Variants in PLCE1 observed in about 807,000 individuals in gnomAD.
The protein encoded by PLCE1 is phospholipase C epsilon 1.
Under a neutral mutation model 242.8 loss-of-function variants are expected in PLCE1, and 119 were observed. The ratio of observed to expected loss-of-function variants is 0.49; its 90% CI spans 0.42 to 0.57. The LOEUF is 0.57. Ranked by LOEUF, PLCE1 falls within the 20% of genes least tolerant of loss-of-function variation. The pLI is 0.00. For synonymous variants in PLCE1, 945 were observed against 1,017.4 expected, an observed-to-expected ratio of 0.93 and a Z score of 1.35; for missense variants, 2,441 against 2,788.8, an observed-to-expected ratio of 0.88 and a Z score of 2.81.
intron 4 of PLCE1, among the ~76,000 whole-genome samples, chr10:94,210,310 C>T (rs561800708): frequency 1.3e-5 from 2 of 151,946 alleles, no homozygotes; most frequent in Non-Finnish European, 2.9e-5. Context: ...TTAAAACTCA[C>T]CCTTTCTCTA....
chr10:94,324,460 C>T lies in PLCE1; in HGVS notation c.6613C>T (p.Pro2205Ser), dbSNP rs748963046. The change falls in exon 31 of 33, where the codon CCA (proline) becomes TCA (serine). Residue 2205 changes from proline (P) to serine (S), a missense_variant. Transcript: ENST00000371380. ...CACTACCAACAAGAAGACTACCACACCAAAGTCCTCTCAGCGGGTCCTTCT... is the reference window on the plus strand; with the variant it reads ...CACTACCAACAAGAAGACTACCACATCAAAGTCCTCTCAGCGGGTCCTTCT... Reference protein sequence around the residue: ...KDTTNKKTTTPKSSQRVLLDQ... With the variant: ...KDTTNKKTTTSKSSQRVLLDQ... 20 of 1,614,046 alleles carry T rather than the reference C, an allele frequency of 1.2e-5. No individual in the cohort carries two copies. In the South Asian group the frequency reaches 2.2e-4, roughly 18 times the overall value.
At chr10:94,015,059 T>C (rs1256525090) in intron 1 of PLCE1, among the ~76,000 whole-genome samples, 1 of 152,238 alleles carries the variant, frequency 6.6e-6, no homozygotes, top group East Asian at 1.9e-4. Context: ...TGACTTAATC[T>C]GTCAAAACCT....
Position 94,171,378 on chromosome 10 carries a change from G to A in PLCE1, c.1691G>A (p.Gly564Asp). Residue 564 changes from glycine (G) to aspartate (D), a missense_variant, in exon 4 of 33, where the codon GGC (glycine) becomes GAC (aspartate). Physicochemically the swap from Gly to Asp is moderately conservative, Grantham distance 94. Transcript: ENST00000371380. The part of the protein sequence containing the change: ...DYLCFLTRDL[G>D]TPECQSSLPC... ...CTTTGCTTCTTAACACGGGACTTGG[G>A]CACTCCTGAATGCCAGAGCTCCTTG... 1 of 1,614,160 alleles carries A rather than the reference G, an allele frequency of 6.2e-7. No homozygotes were observed. Among genetic ancestry groups the A allele is most frequent in the Non-Finnish European group, 8.5e-7 (1 of 1,180,012 alleles).
chr10:94,006,608 T>A (rs2061042799), intron 1 of PLCE1, among the ~76,000 whole-genome samples: 1 of 152,224 alleles, frequency 6.6e-6, no homozygotes, highest in Non-Finnish European at 1.5e-5. Flanking sequence ...CAACACTACT[T>A]GTTTTTTTTA....
At chr10:94,062,963 T>G (rs2044100198) in intron 2 of PLCE1, among the ~76,000 whole-genome samples, 1 of 152,142 alleles carries the variant, frequency 6.6e-6, no homozygotes, top group African/African-American at 2.4e-5. Flanking sequence ...ATCTCCTCTC[T>G]TTACCCACTG....
chr10:94,106,111 C>A (rs2045724459), intron 2 of PLCE1: 1 of 152,182 alleles, frequency 6.6e-6, no homozygotes, highest in Non-Finnish European at 1.5e-5. Context: ...GCCACTATGG[C>A]ATGGCTAGCT....
At chr10:94,154,508 G>C (rs1257527178) in intron 3 of PLCE1, among the ~76,000 whole-genome samples, 1 of 152,146 alleles carries the variant, frequency 6.6e-6, no homozygotes, top group Non-Finnish European at 1.5e-5. Context: ...ACTATCAACA[G>C]AGTGAAAAGG....
At chr10:94,202,894 C>T (rs2049028420) in intron 4 of PLCE1, among the ~76,000 whole-genome samples, 1 of 152,102 alleles carries the variant, frequency 6.6e-6, no homozygotes, top group Non-Finnish European at 1.5e-5. Flanking sequence ...AGTGTGTCCT[C>T]TCGGGTTTTT....
chr10:94,198,532 G>A (rs58002961), intron 4 of PLCE1, among the ~76,000 whole-genome samples: 21,522 of 152,106 alleles, frequency 0.14, 1,723 homozygotes, highest in South Asian at 0.29. Context: ...TGACCACCAC[G>A]ATCAGGATAG....
At chr10:94,235,319 C>G (rs2050286716) in intron 6 of PLCE1, among the ~76,000 whole-genome samples, 1 of 152,042 alleles carries the variant, frequency 6.6e-6, no homozygotes, top group Non-Finnish European at 1.5e-5. Context: ...GGGCCACACC[C>G]CCTAGCTTCC....
Position 94,172,504 on chromosome 10 carries a change from T to C in PLCE1, c.1809+1008T>C, listed in dbSNP as rs1197413979. On this transcript the variant is annotated intron_variant, in intron 4 of 32. Transcript: ENST00000371380. ...ATTCTGAGTCATATATATCTCTGATTGTCTGAGGATCTGTCATCCTGTGTT... is the reference window on the plus strand; with the variant it reads ...ATTCTGAGTCATATATATCTCTGATCGTCTGAGGATCTGTCATCCTGTGTT... 2.0e-5 allele frequency among the ~76,000 whole-genome samples: 3 copies of C among 152,302 alleles called. No homozygotes were observed. In the East Asian group the frequency reaches 5.8e-4, roughly 29 times the overall value.
intron 2 of PLCE1, among the ~76,000 whole-genome samples, chr10:94,126,155 C>G (rs936733744): frequency 6.6e-6 from 1 of 152,172 alleles, no homozygotes; most frequent in Non-Finnish European, 1.5e-5. Flanking sequence ...TTGCTTTTCT[C>G]TAAGTCATTT....
intron 4 of PLCE1, among the ~76,000 whole-genome samples, chr10:94,172,428 C>T (rs2048013179): frequency 6.6e-6 from 1 of 152,122 alleles, no homozygotes; most frequent in Non-Finnish European, 1.5e-5. Flanking sequence ...AGAGTAGTTG[C>T]CTATTTTGGT....
chr10:94,170,672 A>C (rs2047944226), intron 3 of PLCE1, among the ~76,000 whole-genome samples: 1 of 152,228 alleles, frequency 6.6e-6, no homozygotes. Context: ...TTGGCAGAGA[A>C]TACCATGACA....
chr10:94,015,984 A>C (rs1394386788), intron 1 of PLCE1, among the ~76,000 whole-genome samples: 1 of 152,204 alleles, frequency 6.6e-6, no homozygotes, highest in Non-Finnish European at 1.5e-5. Flanking sequence ...TGAATGAATC[A>C]TACCCGTTGG....
rs1305616570 is a variant in PLCE1, at chr10:94,306,652, G to T, written c.5848G>T (p.Ala1950Ser). 1 of 1,613,942 alleles carries T rather than the reference G, an allele frequency of 6.2e-7. No individual in the cohort carries two copies. The highest frequency in any genetic ancestry group is 8.5e-7 in the Non-Finnish European group (1 of 1,179,938). The change falls in exon 26 of 33, where the codon GCT (alanine) becomes TCT (serine). Residue 1950 changes from alanine (A) to serine (S), a missense_variant. Transcript: ENST00000371380. The surrounding 1 kb of genome is among the most constrained non-coding windows in gnomAD (Gnocchi z 5.7). ...GGAAAACAATAGTTCAGCGGTAACTGCTCAGAGAATCATTCCACTGAAAGC... is the reference window on the plus strand; with the variant it reads ...GGAAAACAATAGTTCAGCGGTAACTTCTCAGAGAATCATTCCACTGAAAGC... ...VVENNSSAVT[A>S]QRIIPLKALK... is the part of the protein sequence containing the mutation.
At chr10:94,196,894 C>T (rs897227870) in intron 4 of PLCE1, among the ~76,000 whole-genome samples, 4 of 151,982 alleles carry the variant, frequency 2.6e-5, no homozygotes, top group Non-Finnish European at 4.4e-5. Flanking sequence ...TGGCTTTTTT[C>T]ATATATTTAC....
chr10:94,014,104 G>T (rs1400628621), intron 1 of PLCE1, among the ~76,000 whole-genome samples: 1 of 152,164 alleles, frequency 6.6e-6, no homozygotes, highest in East Asian at 1.9e-4. Flanking sequence ...CTGAAGAGGG[G>T]CCACACAGGG....
intron 2 of PLCE1, among the ~76,000 whole-genome samples, chr10:94,034,799 A>G (rs954732960): frequency 3.3e-5 from 5 of 152,170 alleles, no homozygotes; most frequent in Non-Finnish European, 7.3e-5. Flanking sequence ...TATAGATTCT[A>G]TGGAGTTGGG....
Sources: gnomAD v4.1 joint callset for allele counts (sites outside exome capture counted in the v4.1 genomes callset) on GRCh38, gnomAD v4.1.1 for gene constraint, Gnocchi (gnomAD v3.1) non-coding constraint, MANE v1.5 for transcripts, NCBI Gene and HGNC (gene_info 2026-07-23, HGNC 2026-07-21) for gene names.